The following L3MBTL4 variants were observed in gnomAD, a reference collection of about 807,000 sequenced individuals.
L3MBTL4 encodes the protein lethal(3)malignant brain tumor-like protein 4.
L3MBTL4 carries 70 observed loss-of-function variants against 84.5 expected under a neutral mutation model. That is an observed-to-expected ratio of 0.83 (90% CI 0.68 to 1.01). The LOEUF is 1.01. Among genes scored for constraint, L3MBTL4 ranks in the 50% least tolerant of loss-of-function variants. The pLI is 0.00. For missense variants in L3MBTL4, 715 were observed against 754.8 expected (o/e 0.95, Z 0.62); for synonymous variants, 274 against 259.8 (o/e 1.05, Z -0.52).
intron 14 of L3MBTL4, among the ~76,000 whole-genome samples, chr18:6,094,087 T>C (rs2058551611): frequency 6.6e-6 from 1 of 152,184 alleles, no homozygotes. Flanking sequence ...CAAGCCCAGG[T>C]CTGCTGAGTC....
intron 16 of L3MBTL4, among the ~76,000 whole-genome samples, chr18:6,045,219 G>A (rs1213355283): frequency 6.6e-6 from 1 of 152,196 alleles, no homozygotes; most frequent in Non-Finnish European, 1.5e-5. Flanking sequence ...AAAGGGATTG[G>A]GGGCCTACTT....
At chr18:6,044,531 A>G (rs894604373) in intron 16 of L3MBTL4, among the ~76,000 whole-genome samples, 1 of 152,220 alleles carries the variant, frequency 6.6e-6, no homozygotes, top group Non-Finnish European at 1.5e-5. Context: ...ATGGTGAATA[A>G]GAAGTAGAGG....
intron 12 of L3MBTL4, among the ~76,000 whole-genome samples, chr18:6,208,817 G>T (rs780072546): frequency 2.0e-5 from 3 of 152,176 alleles, no homozygotes. Flanking sequence ...GCTTATTAGA[G>T]AGCAACCATC....
At chr18:6,310,266 T>C (rs2050769522) in intron 3 of L3MBTL4, among the ~76,000 whole-genome samples, 1 of 152,124 alleles carries the variant, frequency 6.6e-6, no homozygotes, top group African/African-American at 2.4e-5. Flanking sequence ...CCAAGACACC[T>C]CTTAAATAGA....
intron 16 of L3MBTL4, among the ~76,000 whole-genome samples, chr18:5,998,042 C>G (rs1244361625): frequency 6.6e-6 from 1 of 152,166 alleles, no homozygotes; most frequent in Non-Finnish European, 1.5e-5. Context: ...CTACAACAAA[C>G]CAAACTAAAA....
chr18:6,210,433 T>C (rs1269571695), intron 12 of L3MBTL4, among the ~76,000 whole-genome samples: 1 of 152,228 alleles, frequency 6.6e-6, no homozygotes, highest in Non-Finnish European at 1.5e-5. Context: ...GTAGGAATGC[T>C]ATAAGCTCTA....
chr18:6,286,421 G>A (rs985971415), intron 4 of L3MBTL4, among the ~76,000 whole-genome samples: 2 of 151,522 alleles, frequency 1.3e-5, no homozygotes, highest in East Asian at 3.9e-4. Flanking sequence ...CCGAGATCAC[G>A]CCACTGCACT....
At chr18:6,032,658 G>C (rs1050117871) in intron 16 of L3MBTL4, among the ~76,000 whole-genome samples, 1 of 151,768 alleles carries the variant, frequency 6.6e-6, no homozygotes, top group Non-Finnish European at 1.5e-5. Context: ...TCCATCTCTA[G>C]AACTCTTCAA....
At chr18:6,016,841 A>T (rs2055005925) in intron 16 of L3MBTL4, among the ~76,000 whole-genome samples, 1 of 152,194 alleles carries the variant, frequency 6.6e-6, no homozygotes, top group African/African-American at 2.4e-5. Flanking sequence ...TGAAGAGCCA[A>T]GTGGTGGGCA....
At chr18:6,186,377 G>A (rs778546864) in intron 12 of L3MBTL4, among the ~76,000 whole-genome samples, 10 of 151,612 alleles carry the variant, frequency 6.6e-5, no homozygotes, top group Admixed American at 2.6e-4. Flanking sequence ...GTGGCCATGA[G>A]GAAGTGAGCA....
At chr18:6,025,182 T>C (rs2055444150) in intron 16 of L3MBTL4, 1 of 152,154 alleles carries the variant, frequency 6.6e-6, no homozygotes, top group African/African-American at 2.4e-5. Flanking sequence ...AAAATGACAT[T>C]CCAGAACTGG....
At chr18:6,352,623 G>A (rs2053249615) in intron 1 of L3MBTL4, among the ~76,000 whole-genome samples, 1 of 152,176 alleles carries the variant, frequency 6.6e-6, no homozygotes, top group South Asian at 2.1e-4. Flanking sequence ...CCTTCTCCAA[G>A]GCAGAGGCCA....
In L3MBTL4 at chr18:6,077,088, A is replaced by C. The variant is rs144791406; in HGVS notation, c.1444+3793T>G. 5.3e-5 allele frequency among the ~76,000 whole-genome samples: 8 copies of C among 152,282 alleles called. No individual in the cohort carries two copies. The East Asian group carries it at 1.5e-3, about 29-fold the overall frequency. On this transcript the variant is annotated intron_variant, in intron 16 of 18. Coordinates refer to ENST00000317931, the MANE Select transcript of L3MBTL4 (RefSeq NM_001330559.2). ...CTCATTGAGCAAAGGAACAACTCAA[A>C]AGGCACAGAGGCCCAGCTCCGTCCT...
intron 4 of L3MBTL4, among the ~76,000 whole-genome samples, chr18:6,291,316 T>A (rs532888133): frequency 2.6e-4 from 40 of 152,316 alleles, no homozygotes; most frequent in African/African-American, 9.6e-4. Context: ...ATTGTACTGC[T>A]GATCCCTTTA....
chr18:6,127,432 A>G (rs370617583), intron 14 of L3MBTL4, among the ~76,000 whole-genome samples: 28 of 152,328 alleles, frequency 1.8e-4, no homozygotes, highest in African/African-American at 6.5e-4. Context: ...TGTTATTGTG[A>G]TGACTTAGAA....
intron 16 of L3MBTL4, among the ~76,000 whole-genome samples, chr18:6,007,846 G>A (rs2054560808): frequency 6.6e-6 from 1 of 152,066 alleles, no homozygotes; most frequent in Admixed American, 6.5e-5. Flanking sequence ...ACTGTTATGT[G>A]AAAAAAATTC....
intron 1 of L3MBTL4, among the ~76,000 whole-genome samples, chr18:6,403,063 G>A (rs2144668235): frequency 6.6e-6 from 1 of 152,292 alleles, no homozygotes; most frequent in East Asian, 1.9e-4. Context: ...AGGACACAGG[G>A]CCAATGCTGC....
chr18:5,987,729 T>C (rs941785502), intron 16 of L3MBTL4, among the ~76,000 whole-genome samples: 6 of 152,152 alleles, frequency 3.9e-5, no homozygotes, highest in Non-Finnish European at 8.8e-5. Context: ...AGGTGAGCAA[T>C]ACAACTTCTG....
At chr18:6,297,731 A>T (rs1660385683) in intron 4 of L3MBTL4, among the ~76,000 whole-genome samples, 1 of 152,210 alleles carries the variant, frequency 6.6e-6, no homozygotes. Flanking sequence ...TTTATCTAAC[A>T]ACTTAGAGAT....
Sources: allele counts gnomAD v4.1 joint callset (sites outside exome capture counted in the v4.1 genomes callset), GRCh38; gene constraint gnomAD v4.1.1; transcripts MANE v1.5; gene names NCBI Gene and HGNC (gene_info 2026-07-23, HGNC 2026-07-21).